The following RIPOR3 variants were observed in gnomAD, a reference collection of about 807,000 sequenced individuals.
RIPOR3 encodes RIPOR family member 3, also known as family with sequence similarity 65 member C.
RIPOR3 carries 95 observed loss-of-function variants against 114.3 expected under a neutral mutation model. The ratio of observed to expected loss-of-function variants is 0.83; its 90% CI spans 0.70 to 0.99. RIPOR3 has a LOEUF of 0.99. Ranked by LOEUF, RIPOR3 falls within the 50% of genes least tolerant of loss-of-function variation. The pLI is 0.00. For missense variants in RIPOR3, 1,252 were observed against 1,266.9 expected (o/e 0.99, Z 0.18); for synonymous variants, 575 against 543.8 (o/e 1.06, Z -0.80).
At chr20:50,611,333 C>T in intron 4 of RIPOR3, 129 bp from the exon 5 acceptor site, 1 of 1,184,534 alleles carries the variant, frequency 8.4e-7, no homozygotes, top group Non-Finnish European at 1.2e-6. Flanking sequence ...CTACAGCCAC[C>T]CCCACCCACT....
chr20:50,645,810 T>C (rs968707437), intron 1 of RIPOR3: 4 of 152,230 alleles, frequency 2.6e-5, no homozygotes, highest in Admixed American at 1.3e-4. Context: ...GCCGGGTCTG[T>C]TTGCTAGTGG....
At position 50,608,503 on chromosome 20, in the gene RIPOR3, G is replaced by A; in HGVS notation, c.842C>T (p.Ala281Val). The A allele has an allele frequency of 6.2e-7, 1 of 1,613,912 alleles. No homozygotes were observed. The highest frequency in any genetic ancestry group is 8.5e-7 in the Non-Finnish European group (1 of 1,179,930). Residue 281 changes from alanine to valine, a missense_variant, in exon 11 of 22, where the codon GCT becomes GTT. Transcript: ENST00000327979. ...GATGTCACACGTCACTGCACCCACA[G>A]CCAGCGAGCCCAGGCCCCGCAACTC... ...VTELRGLGSL[A>V]VGAVTCDIAD... is the part of the protein sequence containing the mutation.
intron 13 of RIPOR3, among the ~76,000 whole-genome samples, chr20:50,601,228 G>A (rs2083482265): frequency 1.3e-5 from 2 of 152,170 alleles, no homozygotes; most frequent in Admixed American, 6.5e-5. Flanking sequence ...GAGGTCAGGA[G>A]TTTGAGACCA....
Position 50,691,388 on chromosome 20 carries a change from C to T in RIPOR3, c.-260G>A, listed in dbSNP as rs2087209333. ...CCCTGCCGGGCTCTGATAATGCAGC[C>T]GGGACTCTTATCTGGCCTGTGTCAG... is the stretch of plus-strand genomic sequence containing the variant. On this transcript the variant is annotated 5_prime_UTR_variant, in exon 1 of 22. Coordinates refer to ENST00000327979, the MANE Select transcript of RIPOR3 (RefSeq NM_001290268.2). 1 of 349,222 alleles carries T rather than the reference C, an allele frequency of 2.9e-6. No individual in the cohort carries two copies. Among genetic ancestry groups the T allele is most frequent in the East Asian group, 8.1e-5 (1 of 12,322 alleles). The allele number at this position is 349,222 out of a possible 1,614,324, so 21.6% of individuals were successfully genotyped here. A position where few individuals can be genotyped will look rare whatever the true frequency, so the allele number is the denominator to read the frequency against.
chr20:50,656,913 GA>G (rs752145519), intron 1 of RIPOR3, among the ~76,000 whole-genome samples: 1 of 152,162 alleles, frequency 6.6e-6, no homozygotes, highest in Non-Finnish European at 1.5e-5. Context: ...ATATTATAAA[GA>G]TTGCTGTGAT....
intron 14 of RIPOR3, 64 bp from the exon 15 acceptor site, chr20:50,596,327 G>C: frequency 1.2e-6 from 2 of 1,600,540 alleles, no homozygotes; most frequent in South Asian, 1.1e-5. Context: ...TGAGGGTGGG[G>C]GAACCCTCCC....
intron 13 of RIPOR3, among the ~76,000 whole-genome samples, chr20:50,598,396 G>GC (rs1601464847): frequency 6.6e-6 from 1 of 152,042 alleles, no homozygotes; most frequent in East Asian, 1.9e-4. Context: ...GCTGGTTCCT[G>GC]CCCCCGTTCC....
intron 7 of RIPOR3, 83 bp downstream of exon 7, chr20:50,609,490 C>T: frequency 6.9e-7 from 1 of 1,451,672 alleles, no homozygotes. Flanking sequence ...CCTCCAGCCC[C>T]CACTGGCCCA....
At chr20:50,678,129 C>T (rs2086735953) in intron 1 of RIPOR3, among the ~76,000 whole-genome samples, 1 of 152,176 alleles carries the variant, frequency 6.6e-6, no homozygotes, top group South Asian at 2.1e-4. Context: ...GAGAACCAGC[C>T]ACCATGGGTG....
chr20:50,610,936 A>T (rs779437843), intron 5 of RIPOR3, 30 bp from the exon 6 acceptor site: 13 of 1,614,124 alleles, frequency 8.1e-6, no homozygotes, highest in Non-Finnish European at 1.1e-5. Context: ...AGATGTTTGC[A>T]AAGTTGCCTG....
intron 13 of RIPOR3, 74 bp downstream of exon 13, chr20:50,601,998 C>A: frequency 7.2e-7 from 1 of 1,381,282 alleles, no homozygotes; most frequent in South Asian, 1.5e-5. Flanking sequence ...GGCTGCGTGG[C>A]CCCAGAGCCC....
At chr20:50,624,907 G>A (rs1405895872) in intron 2 of RIPOR3, among the ~76,000 whole-genome samples, 4 of 152,174 alleles carry the variant, frequency 2.6e-5, no homozygotes, top group African/African-American at 7.2e-5. Context: ...CCTCCAGGCG[G>A]GACAATTATA....
chr20:50,594,121 A>G (rs1253802566), intron 17 of RIPOR3, among the ~76,000 whole-genome samples: 3 of 151,964 alleles, frequency 2.0e-5, no homozygotes, highest in East Asian at 3.9e-4. Context: ...ATACAAAAAA[A>G]GAAAATTAGC....
intron 1 of RIPOR3, among the ~76,000 whole-genome samples, chr20:50,683,121 A>G (rs969544560): frequency 2.0e-5 from 3 of 152,240 alleles, no homozygotes; most frequent in Non-Finnish European, 4.4e-5. Flanking sequence ...GAATGTGCGT[A>G]ATGCCGCTGA....
chr20:50,587,955 C>T, intron 20 of RIPOR3, 63 bp from the exon 21 acceptor site: 1 of 1,503,490 alleles, frequency 6.7e-7, no homozygotes, highest in East Asian at 2.3e-5. Flanking sequence ...GTAGAGTCCA[C>T]TTAGTGGCCC....
intron 1 of RIPOR3, among the ~76,000 whole-genome samples, chr20:50,647,729 G>A (rs751749283): frequency 2.6e-5 from 4 of 151,052 alleles, no homozygotes; most frequent in Non-Finnish European, 2.9e-5. Flanking sequence ...TGATCCACCC[G>A]CCTCGGCCTC....
chr20:50,609,695 T>A lies in RIPOR3; in HGVS notation c.454A>T (p.Ile152Phe). ...GCGCCGTCGCGCAGGCGGCACTGGA[T>A]GCAGTAGTCCTCGTACAGCTCATCC... ...KVDELYEDYC[I>F]QCRLRDGASS... The change falls in exon 7 of 22, where the codon ATC (isoleucine) becomes TTC (phenylalanine). Residue 152 changes from isoleucine to phenylalanine, a missense_variant. Ile to Phe is a conservative substitution (Grantham distance 21). Transcript: ENST00000327979. 7.2e-7 allele frequency: 1 copy of A among 1,392,620 alleles called. No homozygotes were observed. Among genetic ancestry groups the A allele is most frequent in the Non-Finnish European group, 9.3e-7 (1 of 1,072,766 alleles). 86.3% of individuals were successfully genotyped at this position (1,392,620 alleles called of 1,614,324 possible).
At chr20:50,611,007 G>GGGCTTAGTGCCGGGCC (rs3830966) in intron 5 of RIPOR3, 101 bp from the exon 6 acceptor site, 1,153,217 of 1,543,548 alleles carry the variant, frequency 0.75, 434,539 homozygotes, top group East Asian at 0.92. Context: ...TCAGAGAATG[G>GGGCTTAGTGCCGGGCC]GGCCCCTCAC....
intron 1 of RIPOR3, among the ~76,000 whole-genome samples, chr20:50,664,360 C>T (rs1035415943): frequency 1.3e-5 from 2 of 152,198 alleles, no homozygotes; most frequent in African/African-American, 2.4e-5. Flanking sequence ...TGAGCCCTCC[C>T]GCCTGTCTGC....
Sources: allele counts gnomAD v4.1 joint callset (sites outside exome capture counted in the v4.1 genomes callset), GRCh38; gene constraint gnomAD v4.1.1; transcripts MANE v1.5; gene names NCBI Gene and HGNC (gene_info 2026-07-23, HGNC 2026-07-21).